Variants in ESYT1 observed in about 807,000 individuals in gnomAD.
The protein encoded by ESYT1 is extended synaptotagmin 1, also known as extended synaptotagmin-1.
ESYT1 carries 116 observed loss-of-function variants against 154.2 expected under a neutral mutation model. The observed-to-expected ratio is 0.75, with a 90% CI of 0.65 to 0.88. The LOEUF is 0.88. Ranked by LOEUF, ESYT1 falls within the 40% of genes least tolerant of loss-of-function variation. The probability of loss-of-function intolerance (pLI) is 0.00; values close to 1 mark genes in which losing one functional copy is unlikely to be tolerated. For synonymous variants in ESYT1, 500 were observed against 539.9 expected, an observed-to-expected ratio of 0.93 and a Z score of 1.02; for missense variants, 1,264 against 1,379.3, an observed-to-expected ratio of 0.92 and a Z score of 1.32.
At chr12:56,130,710 T>G in intron 2 of ESYT1, 81 bp from the exon 3 acceptor site, 1 of 1,613,032 alleles carries the variant, frequency 6.2e-7, no homozygotes, top group Non-Finnish European at 8.5e-7. Flanking sequence ...CCCTCAGTGC[T>G]CTCCGTGGGG....
chr12:56,136,907 G>A lies in ESYT1; in HGVS notation c.1782+14G>A, dbSNP rs755941602. On this transcript the variant is annotated intron_variant, in intron 16 of 30. Transcript: ENST00000394048. ...CTAGTCATGAGGGTATGGAAATAGA[G>A]GAGGTACTGAGGTGTGGGGGAAAGG... The A allele has an allele frequency of 1.3e-6, 2 of 1,579,626 alleles. No homozygotes were observed. Among genetic ancestry groups the A allele is most frequent in the Non-Finnish European group, 1.7e-6 (2 of 1,160,382 alleles).
chr12:56,137,280 G>A lies in ESYT1; in HGVS notation c.1845G>A (p.Trp615Ter), dbSNP rs759411527. 1 of 1,614,176 alleles carries A rather than the reference G, an allele frequency of 6.2e-7. No homozygotes were observed. The highest frequency in any genetic ancestry group is 8.5e-7 in the Non-Finnish European group (1 of 1,180,030). ...FPTVPGCPGAWDVDSENPQRG... is the reference protein window; with the variant it reads ...FPTVPGCPGA ...CGGTGCCTGGTTGTCCTGGTGCTTG[G>A]GACGTGGACAGTGAGAATCCCCAGA... The change falls in exon 17 of 31, where the codon TGG (tryptophan) becomes TGA (stop). Residue 615 changes from tryptophan to a stop codon, truncating the protein, a stop_gained. Coordinates refer to ENST00000394048, the MANE Select transcript of ESYT1 (RefSeq NM_015292.3). LOFTEE classifies it high-confidence loss of function.
chr12:56,138,467 T>G lies in ESYT1; in HGVS notation c.2401T>G (p.Ser801Ala). 6.2e-7 allele frequency: 1 copy of G among 1,612,210 alleles called. No homozygotes were observed. Residue 801 changes from serine (S) to alanine (A), a missense_variant, in exon 22 of 31, where the codon TCC (serine) becomes GCC (alanine). Ser to Ala is a moderately conservative substitution (Grantham distance 99). Transcript: ENST00000394048. ...KSAELAAALL[S>A]IYMERAEDLP... Reference sequence around the variant, plus strand: ...TGCGGAGCTGGCTGCGGCCCTGCTATCCATCTATATGGAGCGGGCAGAGGA... The same window carrying G: ...TGCGGAGCTGGCTGCGGCCCTGCTAGCCATCTATATGGAGCGGGCAGAGGA...
At chr12:56,138,633 G>A (rs1870563749) in intron 22 of ESYT1, 134 bp downstream of exon 22, 2 of 1,285,860 alleles carry the variant, frequency 1.6e-6, no homozygotes, top group Non-Finnish European at 2.2e-6. Context: ...GGTGGGAAAA[G>A]TTGTCTGTTC....
intron 7 of ESYT1, 49 bp from the exon 8 acceptor site, chr12:56,132,160 A>C (rs369432471): frequency 1.2e-6 from 2 of 1,613,538 alleles, no homozygotes; most frequent in Non-Finnish European, 1.7e-6. Flanking sequence ...GGGTTAGGAG[A>C]AAATTGGAAG....
Position 56,138,484 on chromosome 12 carries a change from G to GGC in ESYT1, c.2419_2420dup (p.Glu808GlnfsTer55). 6.2e-7 allele frequency: 1 copy of GGC among 1,609,706 alleles called. No homozygotes were observed. The highest frequency in any genetic ancestry group is 8.5e-7 in the Non-Finnish European group (1 of 1,178,638). The stretch of plus-strand genomic sequence containing the variant: ...CCCTGCTATCCATCTATATGGAGCG[G>GGC]GCAGAGGACCTCCCGGTGAGATCCC... On this transcript the variant is annotated frameshift_variant, in exon 22 of 31. Transcript: ENST00000394048. LOFTEE classifies it high-confidence loss of function.
At chr12:56,136,682 T>C in intron 15 of ESYT1, 62 bp from the exon 16 acceptor site, 1 of 1,464,924 alleles carries the variant, frequency 6.8e-7, no homozygotes, top group Non-Finnish European at 9.2e-7. Context: ...TGTTATCATT[T>C]TCACAGTATG....
intron 10 of ESYT1, 40 bp downstream of exon 10, chr12:56,132,841 C>T: frequency 6.3e-7 from 1 of 1,579,686 alleles, no homozygotes; most frequent in Non-Finnish European, 8.7e-7. Flanking sequence ...CCCATGCTGG[C>T]CAGGCACGGT....
chr12:56,139,425 C>A (rs1298653469), intron 24 of ESYT1, among the ~76,000 whole-genome samples: 2 of 151,140 alleles, frequency 1.3e-5, no homozygotes, highest in Admixed American at 1.3e-4. Context: ...AGATTGACTT[C>A]TTATCTTTAT....
intron 6 of ESYT1, 28 bp from the exon 7 acceptor site, chr12:56,131,721 T>C (rs1256569159): frequency 6.2e-7 from 1 of 1,613,742 alleles, no homozygotes; most frequent in African/African-American, 1.3e-5. Context: ...CCATAGGATC[T>C]GTCCTGACCC....
Position 56,128,372 on chromosome 12 carries a change from C to G in ESYT1, c.53C>G (p.Ser18Cys), listed in dbSNP as rs754042916. 3.1e-6 allele frequency: 5 copies of G among 1,612,556 alleles called. No homozygotes were observed. The highest frequency in any genetic ancestry group is 4.2e-6 in the Non-Finnish European group (5 of 1,179,410). ...AGCCCCAGCCCCATGGACCAGCCCT[C>G]TGCTCCCTCCGACCCCACTGACCAG... ...GPSPSPMDQPSAPSDPTDQPP... is the reference protein window; with the variant it reads ...GPSPSPMDQPCAPSDPTDQPP... Residue 18 changes from serine to cysteine, a missense_variant, in exon 1 of 31, where the codon TCT (serine) becomes TGT (cysteine). Physicochemically the swap from Ser to Cys is moderately radical, Grantham distance 112. Coordinates refer to ENST00000394048, the MANE Select transcript of ESYT1 (RefSeq NM_015292.3).
chr12:56,136,756 TC>T lies in ESYT1; in HGVS notation c.1647del (p.Arg550GlyfsTer3). On this transcript the variant is annotated frameshift_variant, in exon 16 of 31. Transcript: ENST00000394048. LOFTEE classifies it high-confidence loss of function. ...CCTGTGCCTGTAGGTGAAGGATGAT[TC>T]CAGGGCCCTGACTTTAGGAGCACTG... ...QELDVQVKDD[S>X]RALTLGALTL... 6.2e-7 allele frequency: 1 copy of T among 1,608,996 alleles called. No homozygotes were observed. The highest frequency in any genetic ancestry group is 8.5e-7 in the Non-Finnish European group (1 of 1,176,774).
intron 21 of ESYT1, 59 bp downstream of exon 21, chr12:56,138,331 CTT>C: frequency 6.2e-7 from 1 of 1,612,572 alleles, no homozygotes; most frequent in Non-Finnish European, 8.5e-7. Flanking sequence ...GAGCTCTTCT[CTT>C]AGCGTTCAAG....
Position 56,137,826 on chromosome 12 carries a change from C to G in ESYT1, c.2116-6C>G. The G allele has an allele frequency of 6.2e-7, 1 of 1,613,996 alleles. No homozygotes were observed. Among genetic ancestry groups the G allele is most frequent in the Non-Finnish European group, 8.5e-7 (1 of 1,179,904 alleles). On this transcript the variant is annotated splice_region_variant and splice_polypyrimidine_tract_variant and intron_variant, in intron 18 of 30. Coordinates refer to ENST00000394048, the MANE Select transcript of ESYT1 (RefSeq NM_015292.3). ...ATCTTTCATCTGCACTATTTTCTCC[C>G]ACTAGGTGATCGTCACATCAGTTCC... is the stretch of plus-strand genomic sequence containing the variant.
rs1454502779 is a variant in ESYT1 at position 56,133,669 on chromosome 12, G to A, written c.1375G>A (p.Glu459Lys). ...ACTTTTGTCAGATGCAGAGAAACTG[G>A]AGCAGGTAAGCCACATGGGAAATAG... ...LSLLSDAEKLEQVLQWNWGVS... is the reference protein window; with the variant it reads ...LSLLSDAEKLKQVLQWNWGVS... The change falls in exon 12 of 31, where the codon GAG becomes AAG. Residue 459 changes from glutamate (E) to lysine (K), a missense_variant. Coordinates refer to ENST00000394048, the MANE Select transcript of ESYT1 (RefSeq NM_015292.3). 1 of 1,614,098 alleles carries A rather than the reference G, an allele frequency of 6.2e-7. No individual in the cohort carries two copies. The highest frequency in any genetic ancestry group is 8.5e-7 in the Non-Finnish European group (1 of 1,180,046).
chr12:56,128,617 C>G lies in ESYT1; in HGVS notation c.298C>G (p.Arg100Gly), dbSNP rs763144817. The G allele has an allele frequency of 2.5e-6, 4 of 1,614,046 alleles. No individual in the cohort carries two copies. Among genetic ancestry groups the G allele is most frequent in the Admixed American group, 3.3e-5 (2 of 60,004 alleles). ...GCGCCGGGTCCGCGACGAGAAAGAA[C>G]GGAGCCTTCGAGCAGCGAGGCAGCT... Reference protein sequence around the residue: ...GWRRVRDEKERSLRAARQLLD... With the variant: ...GWRRVRDEKEGSLRAARQLLD... The change falls in exon 1 of 31, where the codon CGG becomes GGG. Residue 100 changes from arginine (R) to glycine (G), a missense_variant. By Grantham distance (125) the Arg-to-Gly change is moderately radical. Coordinates refer to ENST00000394048, the MANE Select transcript of ESYT1 (RefSeq NM_015292.3).
chr12:56,139,056 A>C lies in ESYT1; in HGVS notation c.2592+43A>C, dbSNP rs772689414. ...TTCAAATATTTAGCAGATTTCTGCC[A>C]TGGCCAGGCAGGAAACCAGGCACAG... On this transcript the variant is annotated intron_variant, in intron 24 of 30. Coordinates refer to ENST00000394048, the MANE Select transcript of ESYT1 (RefSeq NM_015292.3). 6 of 1,487,958 alleles carry C rather than the reference A, an allele frequency of 4.0e-6. No individual in the cohort carries two copies. The South Asian group carries it at 6.8e-5, about 17-fold the overall frequency. The allele number at this position is 1,487,958 out of a possible 1,614,324, so 92.2% of individuals were successfully genotyped here.
chr12:56,132,726 T>C lies in ESYT1; in HGVS notation c.1169T>C (p.Val390Ala), dbSNP rs750496523. 1 of 1,614,126 alleles carries C rather than the reference T, an allele frequency of 6.2e-7. No individual in the cohort carries two copies. Residue 390 changes from valine (V) to alanine (A), a missense_variant, in exon 10 of 31, where the codon GTA (valine) becomes GCA (alanine). Val to Ala is a moderately conservative substitution (Grantham distance 64). Transcript: ENST00000394048. ...GCCTTCTGTGTTCCCCAGGTGATGG[T>C]ACACGAGGTCCCAGGGCAGGAGATT... is the stretch of plus-strand genomic sequence containing the variant. ...PQWGETYEVMVHEVPGQEIEV... is the reference protein window; with the variant it reads ...PQWGETYEVMAHEVPGQEIEV...
intron 24 of ESYT1, 135 bp downstream of exon 24, chr12:56,139,148 G>A (rs1331892875): frequency 1.1e-4 from 76 of 663,636 alleles, no homozygotes; most frequent in Admixed American, 1.8e-4. Context: ...TTGCTCTGTC[G>A]CCCAGGCTGG....
Sources: allele counts gnomAD v4.1 joint callset (sites outside exome capture counted in the v4.1 genomes callset), GRCh38; gene constraint gnomAD v4.1.1; transcripts MANE v1.5; gene names NCBI Gene and HGNC (gene_info 2026-07-23, HGNC 2026-07-21).